The following MXRA5 variants were observed in gnomAD, a reference collection of about 807,000 sequenced individuals.
The protein encoded by MXRA5 is matrix-remodeling-associated protein 5.
MXRA5 carries 41 observed loss-of-function variants against 112.5 expected under a neutral mutation model. The observed-to-expected ratio is 0.36, with a 90% CI of 0.28 to 0.47. MXRA5 has a LOEUF of 0.47. Among genes scored for constraint, MXRA5 ranks in the 20% least tolerant of loss-of-function variants. The probability of loss-of-function intolerance (pLI) is 0.99; values close to 1 mark genes in which losing one functional copy is unlikely to be tolerated. For missense variants in MXRA5, 2,150 were observed against 2,251.0 expected (o/e 0.96, Z 0.91); for synonymous variants, 862 against 900.8 (o/e 0.96, Z 0.77).
intron 2 of MXRA5, among the ~76,000 whole-genome samples, chrX:3,333,014 G>A (rs1305401469): frequency 9.0e-6 from 1 of 110,919 alleles, no homozygotes; most frequent in Non-Finnish European, 1.9e-5. Flanking sequence ...TTTCAAGAAA[G>A]TTTCCAGGCT....
rs1199110532 is a variant in MXRA5 at position 3,320,219 on chromosome X, A to C, written c.5466T>G (p.Ser1822=). 1.7e-6 allele frequency: 2 copies of C among 1,211,304 alleles called. No individual in the cohort carries two copies. The highest frequency in any genetic ancestry group is 1.1e-6 in the Non-Finnish European group (1 of 895,319). The part of the protein sequence containing the change: ...TQSSISFITS[S]VQSSGSFHQS... ...GGTGGAAGCTTCCTGAGGACTGGAC[A>C]GAAGATGTTATAAAGGAGATAGAAC... Residue 1822 remains serine (S), a synonymous_variant, in exon 5 of 7, where the codon TCT becomes TCG. Transcript: ENST00000217939.
At position 3,317,582 on chromosome X, in the gene MXRA5, C is replaced by G; in HGVS notation, c.6099G>C (p.Ala2033=). The change falls in exon 6 of 7, where the codon GCG becomes GCC. Residue 2033 remains alanine (A), a synonymous_variant. Transcript: ENST00000217939. ...CGTGCAGGCGGATGGCCAGGCTGTC[C>G]GCCCCGGCTGCATTGCTGGCCACGC... ...YKCVASNAAG[A]DSLAIRLHVA... is the part of the protein sequence containing the mutation. 2 of 1,210,386 alleles carry G rather than the reference C, an allele frequency of 1.7e-6. No homozygotes were observed. Among genetic ancestry groups the G allele is most frequent in the Non-Finnish European group, 2.2e-6 (2 of 895,153 alleles).
rs773351743 is a variant in MXRA5, at chrX:3,323,663, G to A, written c.2022C>T (p.Gly674=). ...VGITVTKKGS[G]LPSKRGRRPG... The stretch of plus-strand genomic sequence containing the variant: ...GGCGTCTGCCTCTTTTGGATGGCAA[G>A]CCAGACCCTTTCTTGGTCACTGTGA... Residue 674 remains glycine, a synonymous_variant, in exon 5 of 7, where the codon GGC becomes GGT. Transcript: ENST00000217939. 27 of 1,210,557 alleles carry A rather than the reference G, an allele frequency of 2.2e-5. No individual in the cohort carries two copies. Among genetic ancestry groups the A allele is most frequent in the Non-Finnish European group, 2.8e-5 (25 of 894,762 alleles).
intron 4 of MXRA5, among the ~76,000 whole-genome samples, chrX:3,327,463 G>C: frequency 8.9e-6 from 1 of 112,334 alleles, no homozygotes; most frequent in Non-Finnish European, 1.9e-5. Context: ...AAGATGATGA[G>C]CAGGATGGAG....
At chrX:3,317,046 A>C (rs1921154106) in intron 6 of MXRA5, 57 bp downstream of exon 6, 6 of 1,062,834 alleles carry the variant, frequency 5.6e-6, no homozygotes, top group Non-Finnish European at 7.4e-6. Flanking sequence ...AAAAGGACTC[A>C]TATTCGTTGG....
At chrX:3,333,640 A>T (rs1008792875) in intron 2 of MXRA5, among the ~76,000 whole-genome samples, 1 of 111,728 alleles carries the variant, frequency 9.0e-6, no homozygotes, top group African/African-American at 3.3e-5. Flanking sequence ...CTGTTAACTG[A>T]GGTGGGAGAA....
chrX:3,341,412 T>G (rs867012627), intron 2 of MXRA5, among the ~76,000 whole-genome samples: 17 of 19,460 alleles, frequency 8.7e-4, no homozygotes, highest in East Asian at 3.3e-3. Context: ...TATATTATTA[T>G]TATATATAAT....
chrX:3,336,220 C>T (rs1404326061), intron 2 of MXRA5, among the ~76,000 whole-genome samples: 1 of 111,800 alleles, frequency 8.9e-6, no homozygotes, highest in African/African-American at 3.3e-5. Context: ...CCAGATGGAA[C>T]TGTCTAGTTG....
Position 3,322,252 on chromosome X carries a change from G to C in MXRA5, c.3433C>G (p.His1145Asp). Residue 1145 changes from histidine (H) to aspartate (D), a missense_variant, in exon 5 of 7, where the codon CAC (histidine) becomes GAC (aspartate). Around this residue, in one of 6 missense-constraint regions of MXRA5, gnomAD observed 1,485 missense variants for 1,471.6 expected, o/e 1.01. Coordinates refer to ENST00000217939, the MANE Select transcript of MXRA5 (RefSeq NM_015419.4). ...KVAPSSTMST[H>D]PSRRRPNGRR... ...CCGTTGGGTCTCCTTCGAGAAGGGT[G>C]AGTGCTCATGGTGGATGACGGAGCA... 8.3e-7 allele frequency: 1 copy of C among 1,201,000 alleles called. No homozygotes were observed.
At position 3,322,608 on chromosome X, in the gene MXRA5, G is replaced by T. The variant is rs148813705; in HGVS notation, c.3077C>A (p.Pro1026Gln). 4.1e-6 allele frequency: 5 copies of T among 1,209,877 alleles called. No homozygotes were observed. In the African/African-American group the frequency reaches 5.3e-5, roughly 13 times the overall value. Residue 1026 changes from proline (P) to glutamine (Q), a missense_variant, in exon 5 of 7, where the codon CCA (proline) becomes CAA (glutamine). Transcript: ENST00000217939. ...QLFEDSTIGE[P>Q]GVPGQSHLQG... ...TAGATGTGATTGGCCTGGGACACCTGGTTCCCCTATAGTAGAATCCTCAAA... is the reference window on the plus strand; with the variant it reads ...TAGATGTGATTGGCCTGGGACACCTTGTTCCCCTATAGTAGAATCCTCAAA...
In MXRA5 at chrX:3,310,717, T is replaced by A; in HGVS notation, c.7486A>T (p.Thr2496Ser). 1 of 1,198,222 alleles carries A rather than the reference T, an allele frequency of 8.3e-7. No individual in the cohort carries two copies. Among genetic ancestry groups the A allele is most frequent in the East Asian group, 3.0e-5 (1 of 33,173 alleles). The change falls in exon 7 of 7, where the codon ACT becomes TCT. Residue 2496 changes from threonine (T) to serine (S), a missense_variant. Around this residue, in one of 6 missense-constraint regions of MXRA5, gnomAD observed 93 missense variants for 135.5 expected, o/e 0.69. Coordinates refer to ENST00000217939, the MANE Select transcript of MXRA5 (RefSeq NM_015419.4). ...LPAPYYGNRITVHGNGSLDIR... is the reference protein window; with the variant it reads ...LPAPYYGNRISVHGNGSLDIR... ...TCCAGGGAACCGTTGCCATGGACAG[T>A]GATCCGGTTTCCATAGTATGGAGCT...
chrX:3,317,890 T>C lies in MXRA5; in HGVS notation c.5791A>G (p.Ser1931Gly). ...ATCCTGTCCAGGCCGTGCAGGTTGC[T>C]GGCGGTGCACATATACTGGCCTCGA... ...QDRGQYMCTA[S>G]NLHGLDRMVV... The change falls in exon 6 of 7, where the codon AGC becomes GGC. Residue 1931 changes from serine (S) to glycine (G), a missense_variant. This residue lies in a region of MXRA5 where 1,485 missense variants were observed against 1,471.6 expected (regional missense o/e 1.01). Transcript: ENST00000217939. The C allele has an allele frequency of 1.7e-6, 2 of 1,211,734 alleles. No homozygotes were observed. Among genetic ancestry groups the C allele is most frequent in the Non-Finnish European group, 2.2e-6 (2 of 895,503 alleles).
chrX:3,331,777 A>G (rs1310164221), intron 2 of MXRA5, among the ~76,000 whole-genome samples: 2 of 111,923 alleles, frequency 1.8e-5, no homozygotes, highest in African/African-American at 3.3e-5. Context: ...TTCTTGACCA[A>G]TTTAGAAATT....
intron 6 of MXRA5, among the ~76,000 whole-genome samples, chrX:3,314,028 T>C (rs1378578709): frequency 9.0e-6 from 1 of 111,682 alleles, no homozygotes; most frequent in Non-Finnish European, 1.9e-5. Flanking sequence ...CCTTGGACGC[T>C]GATTTTGCTC....
rs760313637 is a variant in MXRA5, at chrX:3,321,809, G to A, written c.3876C>T (p.Ser1292=). The part of the protein sequence containing the change: ...VSLKTEGPYD[S]LDYMTTTRKI... Reference sequence around the variant, plus strand: ...TTCTGGTGGTTGTCATGTAATCTAAGGAATCATAAGGGCCCTCAGTTTTCA... The same window carrying A: ...TTCTGGTGGTTGTCATGTAATCTAAAGAATCATAAGGGCCCTCAGTTTTCA... The change falls in exon 5 of 7, where the codon TCC becomes TCT. Residue 1292 remains serine (S), a synonymous_variant. Coordinates refer to ENST00000217939, the MANE Select transcript of MXRA5 (RefSeq NM_015419.4). 5.0e-6 allele frequency: 6 copies of A among 1,210,073 alleles called. 1 individual carries two copies. In the South Asian group the frequency reaches 8.8e-5, roughly 18 times the overall value.
rs1336485633 is a variant in MXRA5 at position 3,321,129 on chromosome X, G to T, written c.4556C>A (p.Ser1519Tyr). 2 of 1,211,856 alleles carry T rather than the reference G, an allele frequency of 1.7e-6. No homozygotes were observed. Among genetic ancestry groups the T allele is most frequent in the South Asian group, 3.5e-5 (2 of 57,010 alleles). The change falls in exon 5 of 7, where the codon TCT becomes TAT. Residue 1519 changes from serine (S) to tyrosine (Y), a missense_variant. Physicochemically the swap from Ser to Tyr is moderately radical, Grantham distance 144. Transcript: ENST00000217939. ...TTCCTTGGAATCTCTAGATGCTTGA[G>T]ATATTCTTGGACTGGGAAGTGCTGG... ...TKPALPSPRI[S>Y]QASRDSKENV...
intron 5 of MXRA5, among the ~76,000 whole-genome samples, chrX:3,318,571 C>T (rs184843559): frequency 7.3e-4 from 82 of 112,454 alleles, no homozygotes; most frequent in African/African-American, 2.3e-3. Context: ...AGGGCACCCT[C>T]GTACACTGTT....
chrX:3,325,101 T>A, intron 4 of MXRA5, 126 bp from the exon 5 acceptor site: 2 of 836,450 alleles, frequency 2.4e-6, no homozygotes, highest in Non-Finnish European at 1.6e-6. Flanking sequence ...AAACAAGGAA[T>A]CCTATACATG....
chrX:3,334,667 G>T (rs1332163892), intron 2 of MXRA5, among the ~76,000 whole-genome samples: 1 of 111,935 alleles, frequency 8.9e-6, no homozygotes, highest in Non-Finnish European at 1.9e-5. Context: ...AACATATTCA[G>T]ATGTTCAAAA....
Sources: gnomAD v4.1 joint callset for allele counts (sites outside exome capture counted in the v4.1 genomes callset) on GRCh38, gnomAD v4.1.1 for gene constraint, gnomAD v4.1.1 regional missense constraint, MANE v1.5 for transcripts, NCBI Gene and HGNC (gene_info 2026-07-23, HGNC 2026-07-21) for gene names.